The following MACROD2 variants were observed in gnomAD, a reference collection of about 807,000 sequenced individuals.
MACROD2 encodes ADP-ribose glycohydrolase MACROD2.
MACROD2 carries 36 observed loss-of-function variants against 70.4 expected under a neutral mutation model. That is an observed-to-expected ratio of 0.51 (90% CI 0.39 to 0.68). The LOEUF (loss-of-function observed/expected upper bound fraction) is 0.68. Among genes scored for constraint, MACROD2 ranks in the 30% least tolerant of loss-of-function variants. MACROD2 has a pLI of 0.00. For missense variants in MACROD2, 496 were observed against 538.4 expected (o/e 0.92, Z 0.78); for synonymous variants, 172 against 178.8 (o/e 0.96, Z 0.30).
intron 3 of MACROD2, among the ~76,000 whole-genome samples, chr20:14,384,459 TG>T (rs11321770): frequency 0.11 from 16,564 of 152,182 alleles, 1,107 homozygotes; most frequent in East Asian, 0.21. Flanking sequence ...ACAAATGTTT[TG>T]TTTCCATCTT....
chr20:15,332,545 A>G (rs574281911), intron 6 of MACROD2, among the ~76,000 whole-genome samples: 1 of 151,842 alleles, frequency 6.6e-6, no homozygotes, highest in African/African-American at 2.4e-5. Flanking sequence ...TCCTAATACA[A>G]ATGTACAGTA....
At chr20:15,987,931 TA>T in intron 15 of MACROD2, among the ~76,000 whole-genome samples, 1 of 152,178 alleles carries the variant, frequency 6.6e-6, no homozygotes, top group Non-Finnish European at 1.5e-5. Flanking sequence ...AATAAATATG[TA>T]TTTGCAAAGC....
intron 10 of MACROD2, among the ~76,000 whole-genome samples, chr20:15,933,011 C>T (rs1313140309): frequency 2.0e-5 from 3 of 152,166 alleles, no homozygotes; most frequent in East Asian, 3.9e-4. Context: ...CAAGGAGAGA[C>T]TTGTTACCGG....
chr20:15,272,652 C>T (rs923045345), intron 6 of MACROD2, among the ~76,000 whole-genome samples: 6 of 152,054 alleles, frequency 3.9e-5, no homozygotes, highest in East Asian at 1.9e-4. Flanking sequence ...ACATTTATTA[C>T]GTGGATAATG....
At chr20:14,962,093 T>C (rs944215880) in intron 5 of MACROD2, among the ~76,000 whole-genome samples, 1 of 152,170 alleles carries the variant, frequency 6.6e-6, no homozygotes, top group African/African-American at 2.4e-5. Flanking sequence ...TCCTCCCACG[T>C]TGGCCTCCCG....
chr20:14,110,259 C>G (rs2054431628), intron 3 of MACROD2, among the ~76,000 whole-genome samples: 1 of 151,904 alleles, frequency 6.6e-6, no homozygotes, highest in African/African-American at 2.4e-5. Flanking sequence ...TATGACAGAG[C>G]CACAGCTGGT....
intron 6 of MACROD2, among the ~76,000 whole-genome samples, chr20:15,362,472 T>C (rs1379219424): frequency 1.3e-5 from 2 of 152,194 alleles, no homozygotes; most frequent in Non-Finnish European, 2.9e-5. Context: ...CTCCTCTATA[T>C]TCAGTTTTTT....
chr20:14,227,893 T>C (rs2081757271), intron 3 of MACROD2, among the ~76,000 whole-genome samples: 1 of 152,218 alleles, frequency 6.6e-6, no homozygotes, highest in Admixed American at 6.5e-5. Flanking sequence ...TAGGTTTTCT[T>C]AATCTGTAAC....
intron 12 of MACROD2, among the ~76,000 whole-genome samples, chr20:15,948,286 G>C (rs1268536689): frequency 6.7e-6 from 1 of 149,758 alleles, no homozygotes; most frequent in Non-Finnish European, 1.5e-5. Context: ...AGCACAGTGG[G>C]AGGGACAATG....
chr20:14,220,576 A>G (rs532411158), intron 3 of MACROD2, among the ~76,000 whole-genome samples: 1 of 152,260 alleles, frequency 6.6e-6, no homozygotes, highest in African/African-American at 2.4e-5. Flanking sequence ...AATGGTTACA[A>G]AGTTCAGCTA....
At chr20:14,057,569 C>T (rs998429262) in intron 2 of MACROD2, among the ~76,000 whole-genome samples, 5 of 152,160 alleles carry the variant, frequency 3.3e-5, no homozygotes, top group African/African-American at 4.8e-5. Context: ...ATGCACCTCT[C>T]TTTTTGCTGC....
At chr20:14,872,973 C>G (rs2073506427) in intron 5 of MACROD2, among the ~76,000 whole-genome samples, 1 of 152,078 alleles carries the variant, frequency 6.6e-6, no homozygotes, top group South Asian at 2.1e-4. Flanking sequence ...TGAGAACTCA[C>G]TCACTATCAT....
intron 5 of MACROD2, among the ~76,000 whole-genome samples, chr20:15,212,609 A>G (rs1304452427): frequency 6.6e-6 from 1 of 152,214 alleles, no homozygotes; most frequent in Non-Finnish European, 1.5e-5. Context: ...CATTAACACA[A>G]TATAATGAAT....
intron 15 of MACROD2, among the ~76,000 whole-genome samples, chr20:16,013,918 GC>G (rs1249318708): frequency 2.6e-5 from 4 of 152,194 alleles, no homozygotes; most frequent in African/African-American, 9.7e-5. Flanking sequence ...TGTAAATGGA[GC>G]ACTGTATTGA....
At chr20:16,002,755 T>C (rs966519033) in intron 15 of MACROD2, among the ~76,000 whole-genome samples, 3 of 152,186 alleles carry the variant, frequency 2.0e-5, no homozygotes, top group Admixed American at 2.0e-4. Flanking sequence ...AGAAAATCAG[T>C]TTGCATTGTG....
Position 15,823,112 on chromosome 20 carries a change from A to C in MACROD2, c.646-39633A>C, listed in dbSNP as rs552500315. Reference sequence around the variant, plus strand: ...TCATAAATGTTTGCTTGGGCATTTTATTTAGAAGCAACATGGATAAATATT... The same window carrying C: ...TCATAAATGTTTGCTTGGGCATTTTCTTTAGAAGCAACATGGATAAATATT... On this transcript the variant is annotated intron_variant, in intron 8 of 17. Transcript: ENST00000684519. Among the ~76,000 whole-genome samples, 27 of 152,332 alleles carry C rather than the reference A, an allele frequency of 1.8e-4. No homozygotes were observed. The South Asian group carries it at 5.2e-3, about 29-fold the overall frequency.
intron 6 of MACROD2, 150 bp from the exon 7 acceptor site, chr20:15,431,255 C>T (rs1377504074): frequency 2.1e-5 from 12 of 564,078 alleles, no homozygotes; most frequent in Non-Finnish European, 3.4e-5. Flanking sequence ...ATCAAATATC[C>T]CCATTTCCAG....
chr20:14,710,725 T>A (rs895709101), intron 5 of MACROD2, among the ~76,000 whole-genome samples: 2 of 152,214 alleles, frequency 1.3e-5, no homozygotes, highest in African/African-American at 4.8e-5. Context: ...TATTATCATT[T>A]TTTATTACTT....
Position 14,085,648 on chromosome 20 carries a change from T to C in MACROD2, c.191T>C (p.Val64Ala). 1 of 1,580,636 alleles carries C rather than the reference T, an allele frequency of 6.3e-7. No homozygotes were observed. The highest frequency in any genetic ancestry group is 8.6e-7 in the Non-Finnish European group (1 of 1,162,888). The part of the protein sequence containing the change: ...DEENTQETSQ[V>A]KKSLTEKVSL... ...GAAAATACTCAGGAAACATCCCAGG[T>C]GAAGAAAAGTTTGACTGAAAAAGTT... Residue 64 changes from valine to alanine, a missense_variant, in exon 3 of 18, where the codon GTG (valine) becomes GCG (alanine). By Grantham distance (64) the Val-to-Ala change is moderately conservative. Transcript: ENST00000684519.
Sources: gnomAD v4.1 joint callset for allele counts (sites outside exome capture counted in the v4.1 genomes callset) on GRCh38, gnomAD v4.1.1 for gene constraint, MANE v1.5 for transcripts, NCBI Gene and HGNC (gene_info 2026-07-23, HGNC 2026-07-21) for gene names.